The following ABCA12 variants were observed in gnomAD, a reference collection of about 807,000 sequenced individuals.
ABCA12 encodes ATP binding cassette subfamily A member 12.
Under a neutral mutation model 293.5 loss-of-function variants are expected in ABCA12, and 156 were observed. That is an observed-to-expected ratio of 0.53 (90% confidence interval 0.47 to 0.61). The LOEUF (loss-of-function observed/expected upper bound fraction) is 0.61, where lower values mean the gene tolerates loss of function less well. Among genes scored for constraint, ABCA12 ranks in the 20% least tolerant of loss-of-function variants. The probability of loss-of-function intolerance (pLI) is 0.00; values close to 1 mark genes in which losing one functional copy is unlikely to be tolerated. For synonymous variants in ABCA12, 1,063 were observed against 1,108.0 expected (o/e 0.96, Z 0.81); for missense variants, 2,797 against 3,090.2 (o/e 0.91, Z 2.25).
rs1438237311 is a variant in ABCA12 at position 215,011,610 on chromosome 2, A to G, written c.2161T>C (p.Ser721Pro). 5 of 1,614,068 alleles carry G rather than the reference A, an allele frequency of 3.1e-6. No individual in the cohort carries two copies. The South Asian group carries it at 5.5e-5, about 18-fold the overall frequency. ...AATGCTTGGGAGATGGTGCTAAATG[A>G]TCCTTGTGGTGTGTTCATTCGGTTG... ...RSNRMNTPQGSFSTISQALCS... is the reference protein window; with the variant it reads ...RSNRMNTPQGPFSTISQALCS... The change falls in exon 17 of 53, where the codon TCA (serine) becomes CCA (proline). Residue 721 changes from serine to proline, a missense_variant. By Grantham distance (74) the Ser-to-Pro change is moderately conservative (BLOSUM62 -1). This residue lies in a region of ABCA12 where 2,130 missense variants were observed against 2,427.0 expected (regional missense o/e 0.88). Coordinates refer to ENST00000272895, the MANE Select transcript of ABCA12 (RefSeq NM_173076.3).
chr2:215,053,879 AT>A (rs753084228), intron 4 of ABCA12, among the ~76,000 whole-genome samples: 3 of 151,826 alleles, frequency 2.0e-5, no homozygotes, highest in Non-Finnish European at 2.9e-5. Context: ...TCGAGCGTTT[AT>A]TTTTTTTAAC....
At chr2:215,086,440 T>C (rs1702038940) in intron 2 of ABCA12, among the ~76,000 whole-genome samples, 2 of 152,146 alleles carry the variant, frequency 1.3e-5, no homozygotes, top group South Asian at 4.1e-4. Context: ...TCCTGGGATG[T>C]GTTAGGTAGC....
rs375881415 is a variant in ABCA12, at chr2:214,958,967, A to G, written c.5939+57T>C. 1.0e-5 allele frequency: 15 copies of G among 1,507,294 alleles called. No homozygotes were observed. In the South Asian group the frequency reaches 1.3e-4, roughly 14 times the overall value. 93.4% of individuals were successfully genotyped at this position (1,507,294 alleles called of 1,614,324 possible). ...CTGTGATTTCCAATTACAGCACTTTATACAAAGGCTCAGCTATGTCAAGGA... is the reference window on the plus strand; with the variant it reads ...CTGTGATTTCCAATTACAGCACTTTGTACAAAGGCTCAGCTATGTCAAGGA... On this transcript the variant is annotated intron_variant, in intron 40 of 52. Coordinates refer to ENST00000272895, the MANE Select transcript of ABCA12 (RefSeq NM_173076.3).
At chr2:215,061,119 G>A (rs1701519060) in intron 3 of ABCA12, among the ~76,000 whole-genome samples, 2 of 152,058 alleles carry the variant, frequency 1.3e-5, no homozygotes, top group Admixed American at 6.6e-5. Context: ...AAAGAAAAGG[G>A]TAAGATCTGT....
intron 3 of ABCA12, among the ~76,000 whole-genome samples, chr2:215,059,251 A>G (rs1338674717): frequency 1.3e-5 from 2 of 152,098 alleles, no homozygotes; most frequent in African/African-American, 4.8e-5. Flanking sequence ...GACATTTGTC[A>G]TTAACTTTTA....
At chr2:214,979,115 G>T in intron 31 of ABCA12, 75 bp from the exon 32 acceptor site, 1 of 1,343,992 alleles carries the variant, frequency 7.4e-7, no homozygotes, top group Non-Finnish European at 1.1e-6. Flanking sequence ...ATCAGAGGGT[G>T]AGGTGATGAG....
chr2:215,019,212 C>CA, intron 13 of ABCA12, 124 bp downstream of exon 13: 1 of 787,822 alleles, frequency 1.3e-6, no homozygotes, highest in East Asian at 2.6e-5. Flanking sequence ...TCAGGTTTCT[C>CA]ATGTGTAAGG....
At chr2:215,016,841 C>T (rs1043920415) in intron 14 of ABCA12, among the ~76,000 whole-genome samples, 3 of 151,786 alleles carry the variant, frequency 2.0e-5, no homozygotes, top group Non-Finnish European at 2.9e-5. Context: ...TCTTTATTGC[C>T]ACCGAGTTGA....
At position 214,942,922 on chromosome 2, in the gene ABCA12, C is replaced by T. The variant is rs1698453734; in HGVS notation, c.7436+3G>A. On this transcript the variant is annotated splice_donor_region_variant and intron_variant, in intron 50 of 52. Coordinates refer to ENST00000272895, the MANE Select transcript of ABCA12 (RefSeq NM_173076.3). Reference sequence around the variant, plus strand: ...TCTGTTAAGCAATGCATTTGTTCTTCACCTGCTCTTTATGTGCTGCAAAGA... The same window carrying T: ...TCTGTTAAGCAATGCATTTGTTCTTTACCTGCTCTTTATGTGCTGCAAAGA... 1 of 1,612,484 alleles carries T rather than the reference C, an allele frequency of 6.2e-7. No individual in the cohort carries two copies. The highest frequency in any genetic ancestry group is 8.5e-7 in the Non-Finnish European group (1 of 1,179,090).
Position 215,051,609 on chromosome 2 carries a change from A to AGTGTGTGTGTGTGTGTGTGTGT in ABCA12, c.507+856_507+877dup, listed in dbSNP as rs3050094. On this transcript the variant is annotated intron_variant, in intron 5 of 52. Transcript: ENST00000272895. ...ATATAGATATATTATTAAAAACGCT[A>AGTGTGTGTGTGTGTGTGTGTGT]GTGTGTGTGTGTGTGTGTGTGTGTG... Among the ~76,000 whole-genome samples, 35 of 121,430 alleles carry AGTGTGTGTGTGTGTGTGTGTGT rather than the reference A, an allele frequency of 2.9e-4. 1 individual carries two copies. The highest frequency in any genetic ancestry group is 2.3e-3 in the East Asian group (9 of 3,904). 79.7% of individuals were successfully genotyped at this position (121,430 alleles called of 152,430 possible).
In ABCA12 at chr2:215,111,612, T is replaced by C. The variant is rs751172507; in HGVS notation, c.148A>G (p.Thr50Ala). Residue 50 changes from threonine to alanine, a missense_variant, in exon 2 of 53, where the codon ACT (threonine) becomes GCT (alanine). By Grantham distance (58) the Thr-to-Ala change is moderately conservative. This residue lies in a region of ABCA12 where 656 missense variants were observed against 638.2 expected (regional missense o/e 1.03). Coordinates refer to ENST00000272895, the MANE Select transcript of ABCA12 (RefSeq NM_173076.3). ...ATTTACTTACAAGTTGGTTTTGCAGTTGGAGGAAATTTGGTCCGAGTAATA... is the reference window on the plus strand; with the variant it reads ...ATTTACTTACAAGTTGGTTTTGCAGCTGGAGGAAATTTGGTCCGAGTAATA... ...LAITRTKFPP[T>A]AKPTCYLAPR... is the part of the protein sequence containing the mutation. The C allele has an allele frequency of 9.9e-6, 16 of 1,611,604 alleles. No homozygotes were observed. The highest frequency in any genetic ancestry group is 5.3e-5 in the African/African-American group (4 of 74,854).
chr2:214,957,275 A>G lies in ABCA12; in HGVS notation c.6118-497T>C, dbSNP rs1449663995. ...TCACAGGTATACGAACAAAGAACTT[A>G]GCATTTTGTTGGCAAGTAGAAATAT... On this transcript the variant is annotated intron_variant, in intron 41 of 52. Coordinates refer to ENST00000272895, the MANE Select transcript of ABCA12 (RefSeq NM_173076.3). Among the ~76,000 whole-genome samples the G allele has an allele frequency of 2.0e-5, 3 of 152,212 alleles. 1 individual carries two copies. The highest frequency in any genetic ancestry group is 2.0e-4 in the Admixed American group (3 of 15,272).
At chr2:215,059,118 G>A (rs1033701407) in intron 3 of ABCA12, among the ~76,000 whole-genome samples, 6 of 151,974 alleles carry the variant, frequency 3.9e-5, no homozygotes, top group Non-Finnish European at 7.4e-5. Context: ...GTCTCTAAGG[G>A]TTAGTTAAAT....
At chr2:214,935,921 G>A (rs944305638) in intron 51 of ABCA12, among the ~76,000 whole-genome samples, 1 of 152,142 alleles carries the variant, frequency 6.6e-6, no homozygotes, top group Non-Finnish European at 1.5e-5. Flanking sequence ...TTTTTAAAAT[G>A]CAGTTTATTT....
At chr2:214,954,185 T>C (rs939832385) in intron 43 of ABCA12, 78 bp from the exon 44 acceptor site, 12 of 1,461,590 alleles carry the variant, frequency 8.2e-6, no homozygotes, top group Middle Eastern at 1.8e-4. Context: ...TAGATGGATG[T>C]AGACAAATAG....
Position 215,000,783 on chromosome 2 carries a change from T to G in ABCA12, c.3101A>C (p.Glu1034Ala). 6.2e-7 allele frequency: 1 copy of G among 1,614,096 alleles called. No homozygotes were observed. Among genetic ancestry groups the G allele is most frequent in the Non-Finnish European group, 8.5e-7 (1 of 1,179,962 alleles). ...LQDSIERAIIELQTGRNSQEI... is the reference protein window; with the variant it reads ...LQDSIERAIIALQTGRNSQEI... ...CTGGGAGTTCCTTCCAGTTTGCAAT[T>G]CAATGATTGCTCTTTCAATACTATC... The change falls in exon 22 of 53, where the codon GAA becomes GCA. Residue 1034 changes from glutamate to alanine, a missense_variant. By Grantham distance (107) the Glu-to-Ala change is moderately radical. Around this residue, in one of 3 missense-constraint regions of ABCA12, gnomAD observed 2,130 missense variants for 2,427.0 expected, o/e 0.88. Coordinates refer to ENST00000272895, the MANE Select transcript of ABCA12 (RefSeq NM_173076.3).
intron 8 of ABCA12, among the ~76,000 whole-genome samples, chr2:215,035,152 G>C (rs1330754146): frequency 6.6e-6 from 1 of 152,126 alleles, no homozygotes; most frequent in African/African-American, 2.4e-5. Flanking sequence ...ACTTAGGAGG[G>C]TTTTCAAAGT....
chr2:215,009,712 G>A (rs1288845835), intron 18 of ABCA12, among the ~76,000 whole-genome samples: 1 of 152,050 alleles, frequency 6.6e-6, no homozygotes, highest in Non-Finnish European at 1.5e-5. Flanking sequence ...CCAAGTAATG[G>A]TAAAACAGAG....
intron 2 of ABCA12, among the ~76,000 whole-genome samples, chr2:215,086,919 T>TTCA (rs1425030663): frequency 1.8e-4 from 27 of 151,016 alleles, no homozygotes; most frequent in African/African-American, 6.6e-4. Context: ...TAACTACCAG[T>TTCA]TTATTATTAT....
Sources: gnomAD v4.1 joint callset for allele counts (sites outside exome capture counted in the v4.1 genomes callset) on GRCh38, gnomAD v4.1.1 for gene constraint, gnomAD v4.1.1 regional missense constraint, MANE v1.5 for transcripts, NCBI Gene and HGNC (gene_info 2026-07-23, HGNC 2026-07-21) for gene names.